Variants in ZDHHC2 observed in about 807,000 individuals in gnomAD.
ZDHHC2 encodes the protein palmitoyltransferase ZDHHC2.
A neutral mutation model predicts 55.6 loss-of-function variants in ZDHHC2; 51 were observed. The observed-to-expected ratio is 0.92, with a 90% CI of 0.73 to 1.16. The LOEUF (loss-of-function observed/expected upper bound fraction) is 1.16. ZDHHC2 is among the 50% of genes most tolerant of loss of function. The pLI, the probability that ZDHHC2 is intolerant of heterozygous loss-of-function variation, is 0.00. For synonymous variants in ZDHHC2, 199 were observed against 152.9 expected, an observed-to-expected ratio of 1.30 and a Z score of -2.22; for missense variants, 491 against 442.4, an observed-to-expected ratio of 1.11 and a Z score of -0.99.
At chr8:17,187,514 G>A (rs1431747635) in intron 3 of ZDHHC2, among the ~76,000 whole-genome samples, 1 of 152,098 alleles carries the variant, frequency 6.6e-6, no homozygotes, top group Non-Finnish European at 1.5e-5. Context: ...CTTGGGAGAG[G>A]ATGGTAAAAA....
At chr8:17,180,395 A>C (rs937035528) in intron 1 of ZDHHC2, among the ~76,000 whole-genome samples, 1 of 152,146 alleles carries the variant, frequency 6.6e-6, no homozygotes, top group African/African-American at 2.4e-5. Flanking sequence ...TCAGATTTAC[A>C]TTATTTTTCA....
chr8:17,197,556 G>A, intron 4 of ZDHHC2, 26 bp from the exon 5 acceptor site: 1 of 1,605,488 alleles, frequency 6.2e-7, no homozygotes, highest in Non-Finnish European at 8.5e-7. Flanking sequence ...TTAACTCTAA[G>A]ACTAAGTGGA....
chr8:17,199,420 T>A (rs1806507459), intron 6 of ZDHHC2, among the ~76,000 whole-genome samples: 1 of 150,616 alleles, frequency 6.6e-6, no homozygotes, highest in Non-Finnish European at 1.5e-5. Context: ...CTTTTCTGGT[T>A]TTTTTTACAA....
chr8:17,203,184 C>G (rs1030629778), intron 6 of ZDHHC2, among the ~76,000 whole-genome samples: 3 of 151,076 alleles, frequency 2.0e-5, no homozygotes, highest in Non-Finnish European at 4.4e-5. Flanking sequence ...CACAGCCTCC[C>G]GAGTAGCTGG....
chr8:17,208,126 TA>T, intron 8 of ZDHHC2, 34 bp downstream of exon 8: 1 of 1,513,704 alleles, frequency 6.6e-7, no homozygotes, highest in Non-Finnish European at 8.9e-7. Context: ...GACAGAACTT[TA>T]AATACGTATA....
chr8:17,210,666 T>C (rs1807334498), intron 10 of ZDHHC2, among the ~76,000 whole-genome samples, 186 bp downstream of exon 10: 1 of 152,234 alleles, frequency 6.6e-6, no homozygotes, highest in Admixed American at 6.5e-5. Flanking sequence ...ATTATACTTG[T>C]AAAATGGTGT....
At chr8:17,183,683 A>G (rs1431299736) in intron 1 of ZDHHC2, among the ~76,000 whole-genome samples, 1 of 152,054 alleles carries the variant, frequency 6.6e-6, no homozygotes, top group African/African-American at 2.4e-5. Flanking sequence ...TGTCATTTAG[A>G]TCTTCTGTTT....
At chr8:17,183,512 C>T (rs1805541945) in intron 1 of ZDHHC2, among the ~76,000 whole-genome samples, 1 of 152,182 alleles carries the variant, frequency 6.6e-6, no homozygotes, top group Non-Finnish European at 1.5e-5. Flanking sequence ...CCAGGCCTGC[C>T]TGTCTCATTC....
At position 17,184,823 on chromosome 8, in the gene ZDHHC2, A is replaced by T. The variant is rs746220086; in HGVS notation, c.157+8A>T. The T allele has an allele frequency of 5.2e-6, 8 of 1,544,082 alleles. No individual in the cohort carries two copies. In the Admixed American group the frequency reaches 8.0e-5, roughly 16 times the overall value. On this transcript the variant is annotated splice_region_variant and intron_variant, in intron 2 of 12. Transcript: ENST00000262096. ...AAAACACTGGCGAACAAGGTAAGCT[A>T]GATTATATTAATGTTATAGATTTTT...
chr8:17,160,850 G>A (rs1455820151), intron 1 of ZDHHC2, among the ~76,000 whole-genome samples: 4 of 152,200 alleles, frequency 2.6e-5, no homozygotes, highest in Non-Finnish European at 4.4e-5. Flanking sequence ...TAACAAATGG[G>A]CGTGGCTTTT....
At chr8:17,172,755 G>A (rs1376595485) in intron 1 of ZDHHC2, among the ~76,000 whole-genome samples, 1 of 152,132 alleles carries the variant, frequency 6.6e-6, no homozygotes, top group Non-Finnish European at 1.5e-5. Context: ...TGCCTGTGTA[G>A]TACAAATTGG....
chr8:17,223,891 G>A lies in ZDHHC2; in HGVS notation c.*3670G>A, dbSNP rs999749875. 6.6e-6 allele frequency: 1 copy of A among 151,612 alleles called. No individual in the cohort carries two copies. The highest frequency in any genetic ancestry group is 1.5e-5 in the Non-Finnish European group (1 of 67,712). The allele number at this position is 151,612 out of a possible 1,614,324, so 9.4% of individuals were successfully genotyped here. ...GATTTTTTTATTGTAGTAGTGCCCT[G>A]GCTTGTAAACAGTGGACATCACTGA... On this transcript the variant is annotated 3_prime_UTR_variant, in exon 13 of 13. Coordinates refer to ENST00000262096, the MANE Select transcript of ZDHHC2 (RefSeq NM_016353.5).
chr8:17,211,753 G>A (rs555338850), intron 10 of ZDHHC2, among the ~76,000 whole-genome samples: 6 of 152,126 alleles, frequency 3.9e-5, no homozygotes, highest in Non-Finnish European at 8.8e-5. Context: ...AATGGGCCCA[G>A]TGTATATATT....
intron 6 of ZDHHC2, among the ~76,000 whole-genome samples, chr8:17,203,172 A>C (rs1196660294): frequency 6.9e-6 from 1 of 145,966 alleles, no homozygotes; most frequent in Non-Finnish European, 1.5e-5. Flanking sequence ...CAGTTCTTCT[A>C]CCACAGCCTC....
chr8:17,219,871 A>G (rs1803499440), intron 12 of ZDHHC2, among the ~76,000 whole-genome samples: 1 of 152,158 alleles, frequency 6.6e-6, no homozygotes, highest in Non-Finnish European at 1.5e-5. Flanking sequence ...CTCAGTTGCC[A>G]CTCCTAAACT....
chr8:17,212,001 A>G (rs1254689919), intron 10 of ZDHHC2, among the ~76,000 whole-genome samples: 1 of 152,162 alleles, frequency 6.6e-6, no homozygotes, highest in Non-Finnish European at 1.5e-5. Flanking sequence ...TTTTGGTTTT[A>G]GAGATAATAT....
chr8:17,197,643 C>G lies in ZDHHC2; in HGVS notation c.435C>G (p.Val145=), dbSNP rs765683732. The change falls in exon 5 of 13, where the codon GTC becomes GTG. Residue 145 remains valine (V), a synonymous_variant. Transcript: ENST00000262096. ...IKPDRCHHCS[V]CDKCILKMDH... is the part of the protein sequence containing the mutation. ...CAGATCGCTGCCATCACTGCTCCGT[C>G]TGTGATAAGTAAGAGAACCTTTAAC... The G allele has an allele frequency of 1.2e-6, 2 of 1,613,536 alleles. No homozygotes were observed. The highest frequency in any genetic ancestry group is 1.7e-6 in the Non-Finnish European group (2 of 1,179,686).
In ZDHHC2 at chr8:17,199,645, TCCTCCTC is replaced by T. The variant is rs374657869; in HGVS notation, c.476+1253_476+1259del. On this transcript the variant is annotated intron_variant, in intron 6 of 12. Coordinates refer to ENST00000262096, the MANE Select transcript of ZDHHC2 (RefSeq NM_016353.5). ...TCTTCCTTTCTTCTTCTTCTCCTCC[TCCTCCTC>T]CCTCCTCCCTCCTCCCTCCTTCTTC... Among the ~76,000 whole-genome samples, 268 of 55,832 alleles carry T rather than the reference TCCTCCTC, an allele frequency of 4.8e-3. 2 individuals are homozygous for T. Among genetic ancestry groups the T allele is most frequent in the African/African-American group, 8.7e-3 (252 of 28,844 alleles). 36.6% of individuals were successfully genotyped at this position (55,832 alleles called of 152,430 possible). A position where few individuals can be genotyped will look rare whatever the true frequency, so the allele number is the denominator to read the frequency against.
In ZDHHC2 at chr8:17,171,567, C is replaced by T. The variant is rs556117753; in HGVS notation, c.131-13222C>T. Among the ~76,000 whole-genome samples, 4 of 152,230 alleles carry T rather than the reference C, an allele frequency of 2.6e-5. 1 individual carries two copies. Among genetic ancestry groups the T allele is most frequent in the Non-Finnish European group, 5.9e-5 (4 of 68,018 alleles). On this transcript the variant is annotated intron_variant, in intron 1 of 12. Coordinates refer to ENST00000262096, the MANE Select transcript of ZDHHC2 (RefSeq NM_016353.5). ...CGACACATTCCTAATGATTTAAATA[C>T]AAACATTCCGTGAATGTTTACCCAG...
Sources: allele counts gnomAD v4.1 joint callset (sites outside exome capture counted in the v4.1 genomes callset), GRCh38; gene constraint gnomAD v4.1.1; transcripts MANE v1.5; gene names NCBI Gene and HGNC (gene_info 2026-07-23, HGNC 2026-07-21).